The following TEKT5 variants were observed in gnomAD, a reference collection of about 807,000 sequenced individuals.
TEKT5 encodes tektin 5.
A neutral mutation model predicts 48.7 loss-of-function variants in TEKT5; 52 were observed. The ratio of observed to expected loss-of-function variants is 1.07; its 90% CI spans 0.86 to 1.35. The LOEUF (loss-of-function observed/expected upper bound fraction) is 1.35. TEKT5 is among the 40% of genes most tolerant of loss of function. The pLI is 0.00. For missense variants in TEKT5, 831 were observed against 641.6 expected (o/e 1.30, Z -3.19); for synonymous variants, 318 against 267.6 (o/e 1.19, Z -1.84).
intron 4 of TEKT5, among the ~76,000 whole-genome samples, chr16:10,679,039 T>G (rs1367763790): frequency 6.6e-6 from 1 of 152,184 alleles, no homozygotes; most frequent in African/African-American, 2.4e-5. Flanking sequence ...TGTGTGAGCT[T>G]GAGCCAATCG....
At chr16:10,668,886 T>C (rs1161242713) in intron 5 of TEKT5, among the ~76,000 whole-genome samples, 1 of 152,090 alleles carries the variant, frequency 6.6e-6, no homozygotes, top group African/African-American at 2.4e-5. Context: ...GGAAGCGTGC[T>C]GTAATAGGGA....
chr16:10,640,249 C>G (rs77951534), intron 5 of TEKT5, among the ~76,000 whole-genome samples: 3,429 of 151,650 alleles, frequency 0.023, 129 homozygotes, highest in African/African-American at 0.079. Context: ...CTCCAGTGAT[C>G]CTCTCACCTC....
chr16:10,672,373 C>A (rs1399053441), intron 5 of TEKT5, among the ~76,000 whole-genome samples: 2 of 152,052 alleles, frequency 1.3e-5, no homozygotes, highest in African/African-American at 2.4e-5. Flanking sequence ...GCCCAGGGAA[C>A]TTGGGCCCGG....
intron 5 of TEKT5, among the ~76,000 whole-genome samples, chr16:10,658,213 C>T (rs1189543130): frequency 6.6e-6 from 1 of 152,138 alleles, no homozygotes; most frequent in Admixed American, 6.5e-5. Context: ...TTTGACAGAA[C>T]CTACTGAAGC....
rs1269485661 is a variant in TEKT5 at position 10,681,997 on chromosome 16, C to T, written c.859G>A (p.Gly287Ser). The change falls in exon 4 of 7, where the codon GGC becomes AGC. Residue 287 changes from glycine to serine, a missense_variant. Transcript: ENST00000283025. ...SFFHGMEKID[G>S]TISVPETWAK... is the part of the protein sequence containing the mutation. ...GAGGGGGAGTCTGATACTTACGTGC[C>T]GTCAATTTTCTCCATGCCGTGGAAG... 4.3e-6 allele frequency: 7 copies of T among 1,613,720 alleles called. No homozygotes were observed. The highest frequency in any genetic ancestry group is 5.9e-6 in the Non-Finnish European group (7 of 1,179,826).
At chr16:10,681,637 T>C (rs868539512) in intron 4 of TEKT5, among the ~76,000 whole-genome samples, 2 of 151,634 alleles carry the variant, frequency 1.3e-5, no homozygotes, top group Non-Finnish European at 2.9e-5. Context: ...TGGCAGTGGC[T>C]GTGCGACCCT....
intron 5 of TEKT5, among the ~76,000 whole-genome samples, chr16:10,649,487 G>A (rs1468484702): frequency 6.6e-6 from 1 of 152,108 alleles, no homozygotes; most frequent in Non-Finnish European, 1.5e-5. Flanking sequence ...AGGCTGGAGT[G>A]CAGTGGCTCA....
Position 10,656,965 on chromosome 16 carries a change from C to G in TEKT5, c.1086+18994G>C, listed in dbSNP as rs141700408. Among the ~76,000 whole-genome samples the G allele has an allele frequency of 2.6e-3, 401 of 152,186 alleles. 3 individuals are homozygous for G. Among genetic ancestry groups the G allele is most frequent in the African/African-American group, 9.2e-3 (382 of 41,538 alleles). On this transcript the variant is annotated intron_variant, in intron 5 of 6. Coordinates refer to ENST00000283025, the MANE Select transcript of TEKT5 (RefSeq NM_144674.2). The stretch of plus-strand genomic sequence containing the variant: ...GATTGCCCAAGCTGGTCTTGAACTC[C>G]TGGGCTCAAGTGATCCTCCCACCAC...
At chr16:10,635,196 C>G (rs1009735327) in intron 6 of TEKT5, among the ~76,000 whole-genome samples, 6 of 131,466 alleles carry the variant, frequency 4.6e-5, no homozygotes, top group African/African-American at 1.7e-4. Context: ...CCCCACAAAC[C>G]TCCTTTCTGG....
chr16:10,652,086 A>C (rs1369477721), intron 5 of TEKT5, among the ~76,000 whole-genome samples: 1 of 152,230 alleles, frequency 6.6e-6, no homozygotes, highest in Non-Finnish European at 1.5e-5. Context: ...CCACTACAGC[A>C]GGGATCATAA....
intron 5 of TEKT5, among the ~76,000 whole-genome samples, chr16:10,674,641 A>AAC (rs1898612682): frequency 7.6e-6 from 1 of 132,418 alleles, no homozygotes; most frequent in South Asian, 2.5e-4. Context: ...AAAAAAAAAA[A>AAC]CAGAGAGAGA....
Position 10,627,800 on chromosome 16 carries a change from C to G in TEKT5, c.1242-1G>C, listed in dbSNP as rs751139855. The stretch of plus-strand genomic sequence containing the variant: ...GATGGTGAACACCTCGTTCACCAGC[C>G]TGGGGTGAGGGCAGAGGAGAAGGCA... On this transcript the variant is annotated splice_acceptor_variant, in intron 6 of 6. Coordinates refer to ENST00000283025, the MANE Select transcript of TEKT5 (RefSeq NM_144674.2). LOFTEE classifies it high-confidence loss of function. 1.2e-6 allele frequency: 2 copies of G among 1,613,790 alleles called. No homozygotes were observed. The highest frequency in any genetic ancestry group is 1.3e-5 in the African/African-American group (1 of 75,020).
At chr16:10,633,346 G>A (rs1212363893) in intron 6 of TEKT5, among the ~76,000 whole-genome samples, 1 of 152,076 alleles carries the variant, frequency 6.6e-6, no homozygotes, top group Admixed American at 6.6e-5. Flanking sequence ...GGGCAACAGA[G>A]CAAGACTCAA....
At chr16:10,678,913 G>C (rs1347584305) in intron 4 of TEKT5, among the ~76,000 whole-genome samples, 1 of 152,188 alleles carries the variant, frequency 6.6e-6, no homozygotes, top group African/African-American at 2.4e-5. Flanking sequence ...TGGAGTCTTT[G>C]TTCTCTAAAG....
chr16:10,663,036 C>T (rs1898401147), intron 5 of TEKT5, among the ~76,000 whole-genome samples: 1 of 152,192 alleles, frequency 6.6e-6, no homozygotes, highest in African/African-American at 2.4e-5. Flanking sequence ...ATCTCCACTC[C>T]ATCCACCCAC....
intron 5 of TEKT5, among the ~76,000 whole-genome samples, chr16:10,668,741 T>C (rs959852282): frequency 2.6e-5 from 4 of 152,240 alleles, no homozygotes; most frequent in Non-Finnish European, 5.9e-5. Flanking sequence ...TTAAAATTCA[T>C]AGCCCTTCTC....
intron 4 of TEKT5, among the ~76,000 whole-genome samples, chr16:10,679,725 T>C (rs1006303742): frequency 6.6e-6 from 1 of 151,650 alleles, no homozygotes; most frequent in Admixed American, 6.6e-5. Context: ...AGAAACCCCA[T>C]CTCTATTAAA....
chr16:10,664,154 C>G (rs994923387), intron 5 of TEKT5, among the ~76,000 whole-genome samples: 8 of 151,978 alleles, frequency 5.3e-5, no homozygotes, highest in Non-Finnish European at 1.2e-4. Context: ...ACTCTATTTC[C>G]CCCTCTAGAA....
At chr16:10,684,663 A>G (rs1898826145) in intron 3 of TEKT5, among the ~76,000 whole-genome samples, 1 of 152,084 alleles carries the variant, frequency 6.6e-6, no homozygotes, top group South Asian at 2.1e-4. Context: ...AGAGAATTAG[A>G]GGGAAACCTG....
Sources: allele counts gnomAD v4.1 joint callset (sites outside exome capture counted in the v4.1 genomes callset), GRCh38; gene constraint gnomAD v4.1.1; transcripts MANE v1.5; gene names NCBI Gene and HGNC (gene_info 2026-07-23, HGNC 2026-07-21).